Variants in LIPF observed in about 807,000 individuals in gnomAD.
LIPF encodes lipase F, gastric type, also known as gastric triacylglycerol lipase.
LIPF carries 25 observed loss-of-function variants against 38.0 expected under a neutral mutation model. That is an observed-to-expected ratio of 0.66 (90% CI 0.48 to 0.92). The LOEUF is 0.92. LIPF is among the 40% of genes least tolerant of loss of function. The pLI is 0.00. For missense variants in LIPF, 410 were observed against 469.9 expected, an observed-to-expected ratio of 0.87 and a Z score of 1.18; for synonymous variants, 161 against 156.2, an observed-to-expected ratio of 1.03 and a Z score of -0.23.
chr10:88,673,703 T>A lies in LIPF; in HGVS notation c.785T>A (p.Ile262Asn), dbSNP rs756648824. The change falls in exon 7 of 10, where the codon ATT becomes AAT. Residue 262 changes from isoleucine (I) to asparagine (N), a missense_variant. Transcript: ENST00000238983. ...CTTTGCAGCAATGCCTTATTTATAA[T>A]TTGTGGATTTGACAGTAAGAACTTT... ...NLLCSNALFI[I>N]CGFDSKNFNT... The A allele has an allele frequency of 1.2e-6, 2 of 1,613,514 alleles. No individual in the cohort carries two copies. Among genetic ancestry groups the A allele is most frequent in the East Asian group, 4.5e-5 (2 of 44,864 alleles).
rs1053676147 is a variant in LIPF at position 88,678,764 on chromosome 10, C to T, written c.*83C>T. On this transcript the variant is annotated 3_prime_UTR_variant, in exon 10 of 10. Transcript: ENST00000238983. ...TAGTATTTTCATAATGTTTGACATG[C>T]AGTGCTTCTTTCTGTAATTTTGACT... 3.7e-5 allele frequency: 32 copies of T among 860,460 alleles called. No homozygotes were observed. In the African/African-American group the frequency reaches 4.9e-4, roughly 13 times the overall value. 53.3% of individuals were successfully genotyped at this position (860,460 alleles called of 1,614,324 possible).
chr10:88,664,609 A>G (rs1401003479), intron 1 of LIPF, 118 bp downstream of exon 1: 1 of 152,622 alleles, frequency 6.6e-6, no homozygotes, highest in Non-Finnish European at 1.5e-5. Flanking sequence ...GCATAAATGT[A>G]TCTGTTTAAA....
At chr10:88,676,139 GA>G (rs1244171002) in intron 8 of LIPF, 69 bp from the exon 9 acceptor site, 1 of 898,004 alleles carries the variant, frequency 1.1e-6, no homozygotes, top group Non-Finnish European at 1.7e-6. Flanking sequence ...AAACTGCTTG[GA>G]AATGTTTGAA....
chr10:88,678,537 T>C lies in LIPF; in HGVS notation c.1053T>C (p.Val351=), dbSNP rs1841723831. 2 of 1,613,914 alleles carry C rather than the reference T, an allele frequency of 1.2e-6. No homozygotes were observed. The highest frequency in any genetic ancestry group is 2.7e-5 in the African/African-American group (2 of 74,914). ...ACCTGTTGGCTGACCCCCAAGATGTTGGCCTTTTGCTTCCAAAACTCCCCA... is the reference window on the plus strand; with the variant it reads ...ACCTGTTGGCTGACCCCCAAGATGTCGGCCTTTTGCTTCCAAAACTCCCCA... ...GKDLLADPQD[V]GLLLPKLPNL... Residue 351 remains valine (V), a synonymous_variant, in exon 10 of 10, where the codon GTT becomes GTC. Coordinates refer to ENST00000238983, the MANE Select transcript of LIPF (RefSeq NM_004190.4).
chr10:88,672,670 A>ACACACACACT (rs869259093), intron 6 of LIPF, among the ~76,000 whole-genome samples: 1 of 110,500 alleles, frequency 9.0e-6, no homozygotes, highest in Non-Finnish European at 1.9e-5. Context: ...ACACACACAC[A>ACACACACACT]CTCTCTCTCT....
rs61225756 is a variant in LIPF at position 88,671,382 on chromosome 10, C to T, written c.533-447C>T. Among the ~76,000 whole-genome samples the T allele has an allele frequency of 8.2e-4, 125 of 152,244 alleles. 1 individual carries two copies. The highest frequency in any genetic ancestry group is 6.7e-3 in the Admixed American group (102 of 15,292). ...TCACAAAGCTAATAAACCACAGAGC[C>T]AGGATTCAAATTGAGTTTGGTCATA... On this transcript the variant is annotated intron_variant, in intron 5 of 9. Coordinates refer to ENST00000238983, the MANE Select transcript of LIPF (RefSeq NM_004190.4).
intron 5 of LIPF, among the ~76,000 whole-genome samples, chr10:88,670,165 C>T (rs985483203): frequency 3.9e-5 from 6 of 152,134 alleles, no homozygotes; most frequent in African/African-American, 1.4e-4. Flanking sequence ...AATAGGGTAG[C>T]TCAGGCAGTC....
chr10:88,667,457 T>A, intron 2 of LIPF, 55 bp downstream of exon 2: 2 of 1,139,718 alleles, frequency 1.8e-6, no homozygotes, highest in Non-Finnish European at 2.6e-6. Context: ...TTATTTAAAA[T>A]CATAATGAGT....
At position 88,678,687 on chromosome 10, in the gene LIPF, G is replaced by C. The variant is rs1841727647; in HGVS notation, c.*6G>C. On this transcript the variant is annotated 3_prime_UTR_variant, in exon 10 of 10. Transcript: ENST00000238983. ...TATCAGAAGATAAAAAGTAGTTCTG[G>C]ATTTAAAGAATTATCCGTTTGTTTT... 2.6e-6 allele frequency: 4 copies of C among 1,559,548 alleles called. No individual in the cohort carries two copies. Among genetic ancestry groups the C allele is most frequent in the East Asian group, 2.2e-5 (1 of 44,588 alleles).
rs1050192940 is a variant in LIPF at position 88,673,812 on chromosome 10, T to G, written c.816+78T>G. On this transcript the variant is annotated intron_variant, in intron 7 of 9. Coordinates refer to ENST00000238983, the MANE Select transcript of LIPF (RefSeq NM_004190.4). ...TTCATTGCCACTTAGAAGTGGTACT[T>G]TATGAGAACTAGGAGTAGGTTCAGA... 3.4e-6 allele frequency: 4 copies of G among 1,163,262 alleles called. No individual in the cohort carries two copies. In the African/African-American group the frequency reaches 4.6e-5, roughly 13 times the overall value. The allele number at this position is 1,163,262 out of a possible 1,614,324, so 72.1% of individuals were successfully genotyped here.
chr10:88,673,583 T>G lies in LIPF; in HGVS notation c.670-5T>G, dbSNP rs1175954072. ...CAACCCTCTAATAGTGCCTTTATTT[T>G]TCAGTTTATATTTGGTGACAAAATA... On this transcript the variant is annotated splice_region_variant and splice_polypyrimidine_tract_variant and intron_variant, in intron 6 of 9. Coordinates refer to ENST00000238983, the MANE Select transcript of LIPF (RefSeq NM_004190.4). 1.9e-6 allele frequency: 3 copies of G among 1,604,862 alleles called. No homozygotes were observed. Among genetic ancestry groups the G allele is most frequent in the Non-Finnish European group, 2.6e-6 (3 of 1,175,234 alleles).
intron 9 of LIPF, among the ~76,000 whole-genome samples, 165 bp downstream of exon 9, chr10:88,676,445 G>C (rs933694491): frequency 6.6e-6 from 1 of 152,110 alleles, no homozygotes; most frequent in Non-Finnish European, 1.5e-5. Flanking sequence ...TGGTGGCTAC[G>C]CTCATTTAAA....
chr10:88,670,395 T>C (rs925404338), intron 5 of LIPF, among the ~76,000 whole-genome samples: 24 of 152,196 alleles, frequency 1.6e-4, no homozygotes, highest in African/African-American at 5.5e-4. Flanking sequence ...GTAATATATT[T>C]TAGATAATGC....
In LIPF at chr10:88,676,209, G is replaced by T. The variant is rs1471475233; in HGVS notation, c.889G>T (p.Ala297Ser). 1.6e-5 allele frequency: 25 copies of T among 1,584,932 alleles called. No individual in the cohort carries two copies. Among genetic ancestry groups the T allele is most frequent in the Non-Finnish European group, 2.1e-5 (24 of 1,156,988 alleles). ...SVQNMFHWTQ[A>S]VKSGKFQAYD... ...TTTGCTTTTAATTTCTCTATGTTAG[G>T]CTGTTAAGTCTGGGAAATTCCAAGC... The change falls in exon 9 of 10, where the codon GCT (alanine) becomes TCT (serine). Residue 297 changes from alanine (A) to serine (S), a missense_variant and splice_region_variant. Ala to Ser is a moderately conservative substitution (Grantham distance 99). Transcript: ENST00000238983.
At chr10:88,672,670 A>ACACACACACTCTCTCT (rs869259093) in intron 6 of LIPF, among the ~76,000 whole-genome samples, 6 of 110,500 alleles carry the variant, frequency 5.4e-5, no homozygotes, top group African/African-American at 2.0e-4. Flanking sequence ...ACACACACAC[A>ACACACACACTCTCTCT]CTCTCTCTCT....
chr10:88,674,327 C>T (rs1841652503), intron 7 of LIPF, among the ~76,000 whole-genome samples: 1 of 152,158 alleles, frequency 6.6e-6, no homozygotes, highest in Non-Finnish European at 1.5e-5. Context: ...CGCCACCACG[C>T]CCGGCTAATT....
In LIPF at chr10:88,677,440, A is replaced by G. The variant is rs17287191; in HGVS notation, c.961-1005A>G. 4.6e-3 allele frequency among the ~76,000 whole-genome samples: 702 copies of G among 152,310 alleles called. 1 individual carries two copies. Among genetic ancestry groups the G allele is most frequent in the African/African-American group, 0.016 (662 of 41,572 alleles). On this transcript the variant is annotated intron_variant, in intron 9 of 9. Transcript: ENST00000238983. ...GGTTGGTCTTTAACTAACTGAAGCA[A>G]TGACACTAATTTAAGAGCCAGGGCC...
In LIPF at chr10:88,675,654, C is replaced by T; in HGVS notation, c.885C>T (p.Thr295=). The change falls in exon 8 of 10, where the codon ACC becomes ACT. Residue 295 remains threonine, a synonymous_variant. Coordinates refer to ENST00000238983, the MANE Select transcript of LIPF (RefSeq NM_004190.4). ...CTGTTCAAAACATGTTCCATTGGAC[C>T]CAGGTATTCTTTTCCAAATGCTGTT... ...GTSVQNMFHW[T]QAVKSGKFQA... 6.2e-7 allele frequency: 1 copy of T among 1,606,830 alleles called. No individual in the cohort carries two copies. Among genetic ancestry groups the T allele is most frequent in the East Asian group, 2.2e-5 (1 of 44,762 alleles).
chr10:88,669,532 G>T, intron 4 of LIPF: 1 of 198,482 alleles, frequency 5.0e-6, no homozygotes, highest in Non-Finnish European at 1.0e-5. Context: ...AAATGACATG[G>T]AACACAGCAT....
Sources: allele counts gnomAD v4.1 joint callset (sites outside exome capture counted in the v4.1 genomes callset), GRCh38; gene constraint gnomAD v4.1.1; transcripts MANE v1.5; gene names NCBI Gene and HGNC (gene_info 2026-07-23, HGNC 2026-07-21).